The following RORA variants were observed in gnomAD, a reference collection of about 807,000 sequenced individuals.
The protein encoded by RORA is RAR related orphan receptor A, also known as nuclear receptor ROR-alpha.
In RORA, 7 loss-of-function variants were observed where a neutral mutation model predicts 69.5. That is an observed-to-expected ratio of 0.10 (90% CI 0.06 to 0.19). The LOEUF is 0.19. Ranked by LOEUF, RORA falls within the 10% of genes least tolerant of loss-of-function variation. The pLI, the probability that RORA is intolerant of heterozygous loss-of-function variation, is 1.00. For missense variants in RORA, 457 were observed against 663.0 expected (o/e 0.69, Z 3.41); for synonymous variants, 261 against 240.8 (o/e 1.08, Z -0.78).
chr15:60,543,400 G>A (rs1165686170), intron 2 of RORA, among the ~76,000 whole-genome samples: 1 of 151,942 alleles, frequency 6.6e-6, no homozygotes. Context: ...TTATTACAGG[G>A]TACACAAGTA....
intron 1 of RORA, among the ~76,000 whole-genome samples, chr15:61,228,653 C>T (rs1179252424): frequency 1.3e-5 from 2 of 151,920 alleles, no homozygotes; most frequent in African/African-American, 2.4e-5. Flanking sequence ...ATTTTTTTGC[C>T]CCTTCTTAAA....
chr15:61,007,422 A>G (rs1894942210), intron 1 of RORA, among the ~76,000 whole-genome samples: 1 of 152,150 alleles, frequency 6.6e-6, no homozygotes, highest in Admixed American at 6.5e-5. Flanking sequence ...CTAATTGGAA[A>G]TAAAGAACCA....
At chr15:60,577,986 A>G (rs186376697) in intron 2 of RORA, among the ~76,000 whole-genome samples, 35 of 152,312 alleles carry the variant, frequency 2.3e-4, no homozygotes, top group African/African-American at 8.4e-4. Context: ...CCTCACAAAG[A>G]TATGTAGCTA....
intron 1 of RORA, among the ~76,000 whole-genome samples, chr15:60,753,557 A>T (rs1197615680): frequency 6.6e-6 from 1 of 152,244 alleles, no homozygotes; most frequent in East Asian, 1.9e-4. Context: ...ACCACCATGC[A>T]TGCGTAGGTA....
intron 2 of RORA, among the ~76,000 whole-genome samples, chr15:60,631,547 C>T (rs60154495): frequency 0.018 from 2,682 of 152,166 alleles, 67 homozygotes; most frequent in African/African-American, 0.061. Flanking sequence ...GGAGAGGTTG[C>T]TGACACTACT....
Position 60,494,193 on chromosome 15 carries a change from C to T in RORA, c.*3262G>A, listed in dbSNP as rs1022917918. The T allele has an allele frequency of 1.4e-4, 21 of 152,128 alleles. No individual in the cohort carries two copies. Among genetic ancestry groups the T allele is most frequent in the Non-Finnish European group, 2.5e-4 (17 of 67,954 alleles). 9.4% of individuals were successfully genotyped at this position (152,128 alleles called of 1,614,324 possible). On this transcript the variant is annotated 3_prime_UTR_variant, in exon 11 of 11. Coordinates refer to ENST00000335670, the MANE Select transcript of RORA (RefSeq NM_134261.3). ...GATGCTGAACACTTTAAAAAAAATC[C>T]GTAGCTTTAACACAATTTGCAAACT...
intron 1 of RORA, among the ~76,000 whole-genome samples, chr15:60,799,641 C>T (rs1036357712): frequency 6.6e-6 from 1 of 152,152 alleles, no homozygotes; most frequent in Non-Finnish European, 1.5e-5. Context: ...AAAAATCCCA[C>T]CACCAAGATA....
intron 1 of RORA, among the ~76,000 whole-genome samples, chr15:60,847,307 G>A (rs1051888871): frequency 3.3e-5 from 5 of 151,896 alleles, no homozygotes; most frequent in East Asian, 3.8e-4. Flanking sequence ...GGTGTTTCTC[G>A]GAGGTTGCAG....
At chr15:60,719,799 C>T (rs2071269251) in intron 1 of RORA, among the ~76,000 whole-genome samples, 1 of 152,134 alleles carries the variant, frequency 6.6e-6, no homozygotes, top group South Asian at 2.1e-4. Context: ...CTTGCAGACT[C>T]CTACTTCAAG....
At chr15:60,993,518 C>T (rs7183154) in intron 1 of RORA, among the ~76,000 whole-genome samples, 30,187 of 151,744 alleles carry the variant, frequency 0.2, 3,412 homozygotes, top group Non-Finnish European at 0.25. Flanking sequence ...TGGCAGATGC[C>T]TGTAATCCTG....
chr15:60,914,539 TCA>T (rs1228598365), intron 1 of RORA, among the ~76,000 whole-genome samples: 3 of 152,224 alleles, frequency 2.0e-5, no homozygotes, highest in African/African-American at 7.2e-5. Context: ...CCAAGACCTA[TCA>T]CAGTACTTGG....
At chr15:60,813,362 G>C (rs189933528) in intron 1 of RORA, among the ~76,000 whole-genome samples, 1 of 152,350 alleles carries the variant, frequency 6.6e-6, no homozygotes, top group African/African-American at 2.4e-5. Flanking sequence ...TCTTCATTGA[G>C]TGCTCACGGT....
intron 4 of RORA, among the ~76,000 whole-genome samples, chr15:60,512,386 G>A (rs781052689): frequency 4.6e-5 from 7 of 152,150 alleles, no homozygotes; most frequent in Admixed American, 3.9e-4. Context: ...CCTAAGGTTT[G>A]AGCGATCCTC....
chr15:60,978,181 A>G (rs8032982), intron 1 of RORA, among the ~76,000 whole-genome samples: 115,431 of 151,990 alleles, frequency 0.76, 44,118 homozygotes, highest in Admixed American at 0.83. Flanking sequence ...TCATCATCAC[A>G]ATCATCAACA....
chr15:60,809,155 C>T (rs1265878349), intron 1 of RORA, among the ~76,000 whole-genome samples: 1 of 147,808 alleles, frequency 6.8e-6, no homozygotes, highest in Non-Finnish European at 1.5e-5. Flanking sequence ...CACTTGTTCC[C>T]CCAAAACCCA....
At chr15:60,962,930 C>A (rs1893454737) in intron 1 of RORA, among the ~76,000 whole-genome samples, 1 of 152,096 alleles carries the variant, frequency 6.6e-6, no homozygotes, top group African/African-American at 2.4e-5. Context: ...GAGGTGGTAC[C>A]ATTTGTGGTC....
At chr15:60,786,742 C>G (rs762916320) in intron 1 of RORA, among the ~76,000 whole-genome samples, 1 of 152,230 alleles carries the variant, frequency 6.6e-6, no homozygotes, top group Non-Finnish European at 1.5e-5. Flanking sequence ...GGTCCTTGGG[C>G]CCTGTCTTGC....
intron 1 of RORA, among the ~76,000 whole-genome samples, chr15:61,122,899 G>T (rs1276035653): frequency 2.1e-4 from 32 of 152,260 alleles, no homozygotes; most frequent in African/African-American, 7.7e-4. Context: ...GCAGCTTCAG[G>T]CACATGCTGT....
chr15:60,866,024 A>G, intron 1 of RORA, among the ~76,000 whole-genome samples: 1 of 151,338 alleles, frequency 6.6e-6, no homozygotes, highest in East Asian at 1.9e-4. Context: ...CATCACCCCA[A>G]GCATTTACCA....
Sources: gnomAD v4.1 joint callset for allele counts (sites outside exome capture counted in the v4.1 genomes callset) on GRCh38, gnomAD v4.1.1 for gene constraint, MANE v1.5 for transcripts, NCBI Gene and HGNC (gene_info 2026-07-23, HGNC 2026-07-21) for gene names.